The following TRPM1 variants were observed in gnomAD, a reference collection of about 807,000 sequenced individuals.
TRPM1 encodes the protein TRPM1-203 APA Isoform, Intron 10.
A neutral mutation model predicts 149.4 loss-of-function variants in TRPM1; 113 were observed. The observed-to-expected ratio is 0.76, with a 90% CI of 0.65 to 0.88. The LOEUF (loss-of-function observed/expected upper bound fraction) is 0.88, where lower values mean the gene tolerates loss of function less well. Among genes scored for constraint, TRPM1 ranks in the 40% least tolerant of loss-of-function variants. The pLI, the probability that TRPM1 is intolerant of heterozygous loss-of-function variation, is 0.00. For missense variants in TRPM1, 1,976 were observed against 2,038.7 expected, an observed-to-expected ratio of 0.97 and a Z score of 0.59; for synonymous variants, 741 against 759.5, an observed-to-expected ratio of 0.98 and a Z score of 0.40.
At chr15:31,029,833 T>A (rs1418954093) in intron 23 of TRPM1, among the ~76,000 whole-genome samples, 1 of 152,146 alleles carries the variant, frequency 6.6e-6, no homozygotes, top group East Asian at 1.9e-4. Flanking sequence ...ATTATGTTAC[T>A]GAGAATAGCA....
intron 11 of TRPM1, chr15:31,060,120 C>CAGACACACACAT (rs2034184867): frequency 2.2e-5 from 2 of 90,742 alleles, no homozygotes; most frequent in Non-Finnish European, 2.2e-5. Context: ...TACACACATA[C>CAGACACACACAT]AGACACACAC....
At chr15:31,151,458 T>C (rs2036303069) in intron 1 of TRPM1, among the ~76,000 whole-genome samples, 1 of 152,206 alleles carries the variant, frequency 6.6e-6, no homozygotes, top group Admixed American at 6.5e-5. Context: ...CCCTTGTCTC[T>C]CATAGCCTGG....
chr15:31,005,937 A>G lies in TRPM1; in HGVS notation c.3630-2867T>C, dbSNP rs146387561. Among the ~76,000 whole-genome samples the G allele has an allele frequency of 4.8e-3, 724 of 152,298 alleles. 16 individuals carry two copies. Among genetic ancestry groups the G allele is most frequent in the Admixed American group, 0.039 (601 of 15,298 alleles). On this transcript the variant is annotated intron_variant, in intron 27 of 27. Coordinates refer to ENST00000256552, the MANE Select transcript of TRPM1 (RefSeq NM_001252024.2). ...ACAAGAGCCCCACATCTATTTACAC[A>G]TTGAATGGCATAAAAACACAAGAGA...
At chr15:31,042,858 A>G (rs1161958712) in intron 16 of TRPM1, among the ~76,000 whole-genome samples, 1 of 152,248 alleles carries the variant, frequency 6.6e-6, no homozygotes, top group African/African-American at 2.4e-5. Flanking sequence ...ATGGATCAGG[A>G]TTCATAAGAA....
intron 27 of TRPM1, among the ~76,000 whole-genome samples, chr15:31,016,976 C>CAT (rs1404235418): frequency 1.5e-5 from 2 of 133,882 alleles, no homozygotes; most frequent in African/African-American, 5.4e-5. Flanking sequence ...CACACACACA[C>CAT]ACACACACAC....
intron 9 of TRPM1, 119 bp downstream of exon 9, chr15:31,062,460 T>C: frequency 7.4e-7 from 1 of 1,344,410 alleles, no homozygotes; most frequent in South Asian, 1.3e-5. Context: ...TTGTACTGTC[T>C]CTCAGAAAAG....
chr15:31,149,204 T>G (rs923007602), intron 1 of TRPM1, among the ~76,000 whole-genome samples: 1 of 152,152 alleles, frequency 6.6e-6, no homozygotes, highest in Admixed American at 6.5e-5. Flanking sequence ...GAGACTCTAT[T>G]GGCTTTAGGG....
chr15:31,114,035 CA>C (rs965123322), intron 1 of TRPM1, among the ~76,000 whole-genome samples: 2 of 152,032 alleles, frequency 1.3e-5, no homozygotes, highest in Admixed American at 1.3e-4. Flanking sequence ...TCCATTTTTA[CA>C]GAATGCTGAT....
intron 1 of TRPM1, among the ~76,000 whole-genome samples, chr15:31,151,574 G>A (rs1019594844): frequency 6.6e-6 from 1 of 152,234 alleles, no homozygotes; most frequent in African/African-American, 2.4e-5. Flanking sequence ...GTGGGCATGG[G>A]GTGCTCTGGC....
At chr15:31,030,864 T>C in intron 23 of TRPM1, 119 bp downstream of exon 23, 1 of 1,147,176 alleles carries the variant, frequency 8.7e-7, no homozygotes, top group Non-Finnish European at 1.3e-6. Flanking sequence ...ATTTGATGCC[T>C]ATGGTGGAGT....
chr15:31,119,070 T>G (rs1282277813), intron 1 of TRPM1, among the ~76,000 whole-genome samples: 2 of 151,822 alleles, frequency 1.3e-5, no homozygotes, highest in Non-Finnish European at 2.9e-5. Context: ...AGAAAACCCG[T>G]CTCTACTAAA....
At chr15:31,154,934 C>T (rs1596106759) in intron 1 of TRPM1, among the ~76,000 whole-genome samples, 1 of 152,150 alleles carries the variant, frequency 6.6e-6, no homozygotes, top group Non-Finnish European at 1.5e-5. Context: ...TCCCCCCACC[C>T]ACCAAGTTAT....
rs184033383 is a variant in TRPM1, at chr15:31,011,961, G to A, written c.3630-8891C>T. Among the ~76,000 whole-genome samples, 271 of 152,184 alleles carry A rather than the reference G, an allele frequency of 1.8e-3. 2 individuals carry two copies. Among genetic ancestry groups the A allele is most frequent in the African/African-American group, 6.3e-3 (261 of 41,534 alleles). ...TTAGAGGTGTGAGCCCTTGCATCTG[G>A]CCTAACACCAATTATTTTCAATAAT... On this transcript the variant is annotated intron_variant, in intron 27 of 27. Transcript: ENST00000256552.
chr15:31,120,215 G>A lies in TRPM1; in HGVS notation c.54+40691C>T, dbSNP rs74502633. On this transcript the variant is annotated intron_variant, in intron 1 of 26. Transcript: ENST00000542188. ...AATTAAAAGTTAAAATATAGGGAAA[G>A]ATATACCATGCTATAATTAGTCAAA... is the stretch of plus-strand genomic sequence containing the variant. Among the ~76,000 whole-genome samples, 1,133 of 152,014 alleles carry A rather than the reference G, an allele frequency of 7.5e-3. 16 individuals are homozygous for A. The highest frequency in any genetic ancestry group is 0.026 in the African/African-American group (1,077 of 41,472).
rs771486145 is a variant in TRPM1 at position 31,005,197 on chromosome 15, C to A, written c.3630-2127G>T. 7.9e-5 allele frequency among the ~76,000 whole-genome samples: 12 copies of A among 152,178 alleles called. 1 individual carries two copies. Among genetic ancestry groups the A allele is most frequent in the Middle Eastern group, 3.4e-3 (1 of 294 alleles). ...ATTATTCCTTTTGTATCAAAAAAAACCCCACATTGCCCTAGTCAAACTTGA... is the reference window on the plus strand; with the variant it reads ...ATTATTCCTTTTGTATCAAAAAAAAACCCACATTGCCCTAGTCAAACTTGA... On this transcript the variant is annotated intron_variant, in intron 27 of 27. Transcript: ENST00000256552.
chr15:31,083,772 A>G (rs1263879614), intron 1 of TRPM1, among the ~76,000 whole-genome samples: 3 of 152,196 alleles, frequency 2.0e-5, no homozygotes, highest in African/African-American at 7.2e-5. Context: ...CTCTCAGGTC[A>G]GATGCAGCCT....
In TRPM1 at chr15:31,089,878, A is replaced by G. The variant is rs551861540; in HGVS notation, c.-83-8440T>C. On this transcript the variant is annotated intron_variant, in intron 1 of 27. Coordinates refer to ENST00000256552, the MANE Select transcript of TRPM1 (RefSeq NM_001252024.2). ...GGGATAACTGTGCCATGTGGCGCAC[A>G]GGGAACTGATGTCACCTGGGGCAGA... 2.6e-5 allele frequency among the ~76,000 whole-genome samples: 4 copies of G among 152,320 alleles called. No homozygotes were observed. The South Asian group carries it at 6.2e-4, about 24-fold the overall frequency.
At chr15:31,113,410 A>C (rs574528084) in intron 1 of TRPM1, among the ~76,000 whole-genome samples, 5 of 147,916 alleles carry the variant, frequency 3.4e-5, no homozygotes, top group African/African-American at 1.2e-4. Flanking sequence ...ATGCATACAG[A>C]ATTCAATACC....
chr15:31,125,658 A>G (rs1160985241), intron 1 of TRPM1, among the ~76,000 whole-genome samples: 2 of 120,912 alleles, frequency 1.7e-5, no homozygotes, highest in Non-Finnish European at 3.3e-5. Context: ...TGAACCCGGG[A>G]GGCGGAGCTT....
Sources: gnomAD v4.1 joint callset for allele counts (sites outside exome capture counted in the v4.1 genomes callset) on GRCh38, gnomAD v4.1.1 for gene constraint, MANE v1.5 for transcripts, NCBI Gene and HGNC (gene_info 2026-07-23, HGNC 2026-07-21) for gene names.